The following TBC1D1 variants were observed in gnomAD, a reference collection of about 807,000 sequenced individuals.
TBC1D1 encodes the protein TBC1 (tre-2/USP6, BUB2, cdc16) domain family, member 1.
A neutral mutation model predicts 125.6 loss-of-function variants in TBC1D1; 89 were observed. That is an observed-to-expected ratio of 0.71 (90% CI 0.60 to 0.85). The LOEUF is 0.85. Among genes scored for constraint, TBC1D1 ranks in the 40% least tolerant of loss-of-function variants. The pLI is 0.00. For missense variants in TBC1D1, 1,377 were observed against 1,469.2 expected (o/e 0.94, Z 1.03); for synonymous variants, 565 against 564.1 (o/e 1.00, Z -0.02).
At chr4:38,114,038 GTTC>G (rs909697678) in intron 15 of TBC1D1, among the ~76,000 whole-genome samples, 4 of 139,822 alleles carry the variant, frequency 2.9e-5, no homozygotes, top group Admixed American at 7.2e-5. Flanking sequence ...GCTACCCATT[GTTC>G]TACACACACA....
At chr4:38,121,693 T>C (rs1763884497) in intron 17 of TBC1D1, among the ~76,000 whole-genome samples, 1 of 152,176 alleles carries the variant, frequency 6.6e-6, no homozygotes, top group African/African-American at 2.4e-5. Flanking sequence ...GAGTTATTGT[T>C]TTTTTGTTTT....
intron 2 of TBC1D1, among the ~76,000 whole-genome samples, chr4:38,005,025 G>A (rs1198464778): frequency 4.0e-5 from 6 of 149,672 alleles, no homozygotes; most frequent in African/African-American, 1.2e-4. Flanking sequence ...AGAGAGCAAA[G>A]TGTTCTTCTC....
chr4:37,983,027 G>C (rs1170440558), intron 2 of TBC1D1, among the ~76,000 whole-genome samples: 2 of 152,096 alleles, frequency 1.3e-5, no homozygotes, highest in Non-Finnish European at 1.5e-5. Context: ...AGGCGAATGA[G>C]GACCAGGATG....
chr4:38,060,532 G>A, intron 12 of TBC1D1: 3 of 780,944 alleles, frequency 3.8e-6, no homozygotes, highest in South Asian at 1.6e-5. Context: ...CTTTTGAGAA[G>A]TGTCTGTTCA....
At chr4:38,034,115 C>T (rs746849439) in intron 7 of TBC1D1, among the ~76,000 whole-genome samples, 26 of 152,208 alleles carry the variant, frequency 1.7e-4, no homozygotes, top group Non-Finnish European at 1.9e-4. Context: ...TTTGCATCCC[C>T]GCCAACCATA....
At chr4:38,111,705 C>T (rs1398881435) in intron 15 of TBC1D1, among the ~76,000 whole-genome samples, 1 of 152,110 alleles carries the variant, frequency 6.6e-6, no homozygotes, top group Non-Finnish European at 1.5e-5. Flanking sequence ...CCTCATGGAC[C>T]CCTAAAAGGA....
At chr4:38,050,804 G>C (rs1750383282) in intron 11 of TBC1D1, among the ~76,000 whole-genome samples, 1 of 152,204 alleles carries the variant, frequency 6.6e-6, no homozygotes, top group Non-Finnish European at 1.5e-5. Flanking sequence ...GAGTAAAGAA[G>C]TGTGAGCATT....
intron 2 of TBC1D1, among the ~76,000 whole-genome samples, chr4:37,943,525 T>A (rs933054612): frequency 6.6e-6 from 1 of 152,214 alleles, no homozygotes; most frequent in African/African-American, 2.4e-5. Flanking sequence ...CTTGGAGGCT[T>A]TATTCATTTC....
At chr4:37,965,824 C>G (rs1730954526) in intron 2 of TBC1D1, among the ~76,000 whole-genome samples, 1 of 152,098 alleles carries the variant, frequency 6.6e-6, no homozygotes, top group Non-Finnish European at 1.5e-5. Flanking sequence ...AATTTCGGCT[C>G]ACTACAACCT....
intron 12 of TBC1D1, among the ~76,000 whole-genome samples, chr4:38,065,743 T>A (rs1753616519): frequency 6.6e-6 from 1 of 151,570 alleles, no homozygotes; most frequent in Non-Finnish European, 1.5e-5. Context: ...CCTCCCAGGT[T>A]CAAGCTATTC....
chr4:38,099,694 C>T (rs1008496022), intron 14 of TBC1D1, among the ~76,000 whole-genome samples: 2 of 152,202 alleles, frequency 1.3e-5, no homozygotes, highest in Non-Finnish European at 2.9e-5. Context: ...CCTGCCCTCC[C>T]AGACCCTGCC....
At chr4:37,999,536 G>C (rs1182711420) in intron 2 of TBC1D1, among the ~76,000 whole-genome samples, 1 of 152,028 alleles carries the variant, frequency 6.6e-6, no homozygotes, top group Non-Finnish European at 1.5e-5. Flanking sequence ...TGGTGTAGGG[G>C]AAGGGCTCAG....
intron 2 of TBC1D1, chr4:38,007,027 C>A: frequency 2.5e-6 from 1 of 401,268 alleles, no homozygotes. Flanking sequence ...GACTTGGAAT[C>A]AGTCGGCCTG....
intron 13 of TBC1D1, among the ~76,000 whole-genome samples, chr4:38,093,023 G>A (rs573954489): frequency 5.3e-5 from 8 of 152,240 alleles, no homozygotes; most frequent in East Asian, 1.9e-4. Flanking sequence ...TAATGGCCCC[G>A]GGCTAAGAAT....
At chr4:38,067,170 G>A (rs1388807624) in intron 12 of TBC1D1, among the ~76,000 whole-genome samples, 1 of 152,076 alleles carries the variant, frequency 6.6e-6, no homozygotes, top group Non-Finnish European at 1.5e-5. Flanking sequence ...CCACGCTCCC[G>A]GCCAAGATTT....
chr4:37,980,724 T>C (rs1469017842), intron 2 of TBC1D1, among the ~76,000 whole-genome samples: 2 of 152,234 alleles, frequency 1.3e-5, no homozygotes, highest in African/African-American at 4.8e-5. Flanking sequence ...GTATTTACCT[T>C]ATGAATAAAG....
chr4:38,002,838 G>A (rs533495567), intron 2 of TBC1D1, among the ~76,000 whole-genome samples: 1 of 152,304 alleles, frequency 6.6e-6, no homozygotes, highest in South Asian at 2.1e-4. Context: ...AACCAAAATG[G>A]AGTCACTTAT....
chr4:37,932,655 GA>G (rs1723500756), intron 2 of TBC1D1, among the ~76,000 whole-genome samples: 1 of 152,170 alleles, frequency 6.6e-6, no homozygotes, highest in African/African-American at 2.4e-5. Flanking sequence ...CTTTGACTCA[GA>G]AGCTACATGC....
At chr4:38,081,782 C>T (rs888211882) in intron 12 of TBC1D1, among the ~76,000 whole-genome samples, 1 of 152,088 alleles carries the variant, frequency 6.6e-6, no homozygotes, top group Non-Finnish European at 1.5e-5. Context: ...GAAACTGACA[C>T]AGAGGGGTGG....
Sources: allele counts gnomAD v4.1 joint callset (sites outside exome capture counted in the v4.1 genomes callset), GRCh38; gene constraint gnomAD v4.1.1; transcripts MANE v1.5; gene names NCBI Gene and HGNC (gene_info 2026-07-23, HGNC 2026-07-21).